The following KMO variants were observed in gnomAD, a reference collection of about 807,000 sequenced individuals.
KMO encodes the protein kynurenine 3-hydroxylase.
In KMO, 24 loss-of-function variants were observed where a neutral mutation model predicts 57.8. The observed-to-expected ratio is 0.42, with a 90% CI of 0.30 to 0.58. The LOEUF (loss-of-function observed/expected upper bound fraction) is 0.58, where lower values mean the gene tolerates loss of function less well. KMO is among the 20% of genes least tolerant of loss of function. The probability of loss-of-function intolerance (pLI) is 0.22; values close to 1 mark genes in which losing one functional copy is unlikely to be tolerated. For synonymous variants in KMO, 210 were observed against 193.6 expected, an observed-to-expected ratio of 1.08 and a Z score of -0.70; for missense variants, 483 against 588.2, an observed-to-expected ratio of 0.82 and a Z score of 1.85.
At chr1:241,562,897 AGG>A (rs1661915719) in intron 7 of KMO, among the ~76,000 whole-genome samples, 3 of 70,430 alleles carry the variant, frequency 4.3e-5, no homozygotes, top group African/African-American at 1.8e-4. Flanking sequence ...GAAGGAAGGA[AGG>A]AAGGAAGGAA....
At chr1:241,541,978 A>C (rs1335899) in intron 1 of KMO, among the ~76,000 whole-genome samples, 44,521 of 151,488 alleles carry the variant, frequency 0.29, 7,611 homozygotes, top group Non-Finnish European at 0.39. Flanking sequence ...GTAGTTGACA[A>C]ATGTTTAATA....
Position 241,593,539 on chromosome 1 carries a change from AAAT to A in KMO, c.*1390_*1392del. The A allele has an allele frequency of 3.9e-6, 1 of 254,674 alleles. No individual in the cohort carries two copies. Among genetic ancestry groups the A allele is most frequent in the Non-Finnish European group, 8.9e-6 (1 of 112,286 alleles). The allele number at this position is 254,674 out of a possible 1,614,324, so 15.8% of individuals were successfully genotyped here. ...CATGTTCAGTTTGTAGGGAAAGAAA[AAAT>A]AATTTTTCCTTCTACCCACTTTAGG... On this transcript the variant is annotated 3_prime_UTR_variant, in exon 15 of 15. Transcript: ENST00000366559.
chr1:241,544,997 G>A (rs1486176800), intron 1 of KMO, among the ~76,000 whole-genome samples: 1 of 152,056 alleles, frequency 6.6e-6, no homozygotes, highest in Admixed American at 6.6e-5. Context: ...ACTAAATAGG[G>A]TGTTTACTGG....
At chr1:241,549,252 A>AGAAAGTCG (rs1553346330) in intron 2 of KMO, among the ~76,000 whole-genome samples, 1 of 17,376 alleles carries the variant, frequency 5.8e-5, no homozygotes, top group African/African-American at 1.6e-4. Context: ...AAAGAAAGAA[A>AGAAAGTCG]GAAAGAAAGA....
Position 241,586,703 on chromosome 1 carries a change from G to A in KMO, c.982G>A (p.Asp328Asn). ...GGGCTTTGAAGACTGCTTGGTATTT[G>A]ATGAGTTAATGGATAAATTCAGTAA... ...NAGFEDCLVF[D>N]ELMDKFSNDL... Residue 328 changes from aspartate to asparagine, a missense_variant, in exon 11 of 15, where the codon GAT (aspartate) becomes AAT (asparagine). Transcript: ENST00000366559. The A allele has an allele frequency of 6.2e-7, 1 of 1,603,372 alleles. No individual in the cohort carries two copies. The highest frequency in any genetic ancestry group is 8.5e-7 in the Non-Finnish European group (1 of 1,175,512).
chr1:241,541,132 A>T (rs1176736493), intron 1 of KMO, among the ~76,000 whole-genome samples: 1 of 152,162 alleles, frequency 6.6e-6, no homozygotes, highest in East Asian at 1.9e-4. Flanking sequence ...CTGGGGAAAG[A>T]GGGTTATTAG....
At chr1:241,573,741 G>C (rs1662396779) in intron 10 of KMO, among the ~76,000 whole-genome samples, 1 of 151,562 alleles carries the variant, frequency 6.6e-6, no homozygotes, top group East Asian at 1.9e-4. Flanking sequence ...TTGCTATTTG[G>C]GCTCATTTTT....
Position 241,551,064 on chromosome 1 carries a change from C to A in KMO, c.312+20C>A. 2 of 1,302,534 alleles carry A rather than the reference C, an allele frequency of 1.5e-6. No homozygotes were observed. The highest frequency in any genetic ancestry group is 2.2e-6 in the Non-Finnish European group (2 of 921,190). 80.7% of individuals were successfully genotyped at this position (1,302,534 alleles called of 1,614,324 possible). A position where few individuals can be genotyped will look rare whatever the true frequency, so the allele number is the denominator to read the frequency against. ...TCTCAGGTAGGTTTACCCCGGAGAT[C>A]ATTGTGCATTGATTATAAGGAAGTC... On this transcript the variant is annotated intron_variant, in intron 4 of 14. Coordinates refer to ENST00000366559, the MANE Select transcript of KMO (RefSeq NM_003679.5).
chr1:241,546,079 A>G (rs1389820081), intron 1 of KMO, among the ~76,000 whole-genome samples: 1 of 152,160 alleles, frequency 6.6e-6, no homozygotes, highest in African/African-American at 2.4e-5. Flanking sequence ...CCAGCAATCA[A>G]AAATTAATGC....
At chr1:241,554,875 G>A (rs1433440108) in intron 4 of KMO, among the ~76,000 whole-genome samples, 1 of 151,610 alleles carries the variant, frequency 6.6e-6, no homozygotes, top group Non-Finnish European at 1.5e-5. Context: ...CCAGCTAGTT[G>A]GGAAGCTGAG....
Position 241,549,784 on chromosome 1 carries a change from G to T in KMO, c.222+10G>T. 6.5e-7 allele frequency: 1 copy of T among 1,532,694 alleles called. No individual in the cohort carries two copies. Among genetic ancestry groups the T allele is most frequent in the Non-Finnish European group, 9.0e-7 (1 of 1,108,648 alleles). 94.9% of individuals were successfully genotyped at this position (1,532,694 alleles called of 1,614,324 possible). On this transcript the variant is annotated intron_variant, in intron 3 of 14. Transcript: ENST00000366559. ...TGGCCTGGAAGATCAGGTACTTAATGTATCTTTCTTACAGAAGATAATACC... is the reference window on the plus strand; with the variant it reads ...TGGCCTGGAAGATCAGGTACTTAATTTATCTTTCTTACAGAAGATAATACC...
intron 10 of KMO, among the ~76,000 whole-genome samples, chr1:241,573,857 T>G (rs1256728673): frequency 2.0e-5 from 3 of 152,102 alleles, no homozygotes; most frequent in African/African-American, 4.8e-5. Context: ...TGCTTTTGGG[T>G]AGTATGGTCA....
At chr1:241,566,664 C>A in intron 9 of KMO, 52 bp downstream of exon 9, 1 of 1,595,910 alleles carries the variant, frequency 6.3e-7, no homozygotes, top group South Asian at 1.1e-5. Context: ...ATTCCAAATT[C>A]AAATAAAGGT....
rs1042396037 is a variant in KMO, at chr1:241,592,035, G to A, written c.1343G>A (p.Arg448Gln). Residue 448 changes from arginine (R) to glutamine (Q), a missense_variant, in exon 15 of 15, where the codon CGA (arginine) becomes CAA (glutamine). Transcript: ENST00000366559. ...CTACTTATACACTACATGTCACCACGATCTTTCCTCCGCTTGAGAAGACCA... is the reference window on the plus strand; with the variant it reads ...CTACTTATACACTACATGTCACCACAATCTTTCCTCCGCTTGAGAAGACCA... The part of the protein sequence containing the change: ...TYLLIHYMSP[R>Q]SFLRLRRPWN... 2.5e-6 allele frequency: 4 copies of A among 1,613,806 alleles called. No individual in the cohort carries two copies. Among genetic ancestry groups the A allele is most frequent in the South Asian group, 2.2e-5 (2 of 91,078 alleles).
chr1:241,562,083 C>A (rs991891743), intron 6 of KMO, 84 bp from the exon 7 acceptor site: 12 of 1,117,070 alleles, frequency 1.1e-5, no homozygotes, highest in Admixed American at 9.1e-5. Context: ...ATCTATGGAG[C>A]CACTACTTCT....
chr1:241,548,490 G>T (rs1209514043), intron 1 of KMO, among the ~76,000 whole-genome samples: 2 of 151,652 alleles, frequency 1.3e-5, no homozygotes, highest in Non-Finnish European at 2.9e-5. Flanking sequence ...TGGTTATAAG[G>T]GATATAAGGC....
rs538286921 is a variant in KMO, at chr1:241,594,228, AG to A, written c.*2076del. 14 of 523,806 alleles carry A rather than the reference AG, an allele frequency of 2.7e-5. No homozygotes were observed. The South Asian group carries it at 5.1e-4, about 19-fold the overall frequency. 32.4% of individuals were successfully genotyped at this position (523,806 alleles called of 1,614,324 possible). ...CACAAGTGGTTTTTTCATTATGTAA[AG>A]CACCCGTTGAATTAAAAGAATTTGT... On this transcript the variant is annotated 3_prime_UTR_variant, in exon 15 of 15. Coordinates refer to ENST00000366559, the MANE Select transcript of KMO (RefSeq NM_003679.5).
intron 2 of KMO, 59 bp downstream of exon 2, chr1:241,548,957 G>A: frequency 9.1e-7 from 1 of 1,102,218 alleles, no homozygotes; most frequent in Non-Finnish European, 1.4e-6. Flanking sequence ...CTGGCACTTT[G>A]GGAGGCCAGG....
intron 7 of KMO, among the ~76,000 whole-genome samples, chr1:241,563,697 C>T (rs1385086562): frequency 6.6e-6 from 1 of 152,122 alleles, no homozygotes; most frequent in Non-Finnish European, 1.5e-5. Flanking sequence ...TCTAGGTATA[C>T]ATAATAAATA....
Sources: allele counts gnomAD v4.1 joint callset (sites outside exome capture counted in the v4.1 genomes callset), GRCh38; gene constraint gnomAD v4.1.1; transcripts MANE v1.5; gene names NCBI Gene and HGNC (gene_info 2026-07-23, HGNC 2026-07-21).